The following MRTFA variants were observed in gnomAD, a reference collection of about 807,000 sequenced individuals.
The protein encoded by MRTFA is myocardin-related transcription factor A.
Under a neutral mutation model 83.5 loss-of-function variants are expected in MRTFA, and 20 were observed. The ratio of observed to expected loss-of-function variants is 0.24; its 90% CI spans 0.17 to 0.35. The LOEUF is 0.35. Ranked by LOEUF, MRTFA falls within the 10% of genes least tolerant of loss-of-function variation. The pLI, the probability that MRTFA is intolerant of heterozygous loss-of-function variation, is 1.00. For missense variants in MRTFA, 1,200 were observed against 1,224.7 expected (o/e 0.98, Z 0.30); for synonymous variants, 659 against 541.2 (o/e 1.22, Z -3.02).
At chr22:40,466,464 T>C (rs1300474810) in intron 3 of MRTFA, among the ~76,000 whole-genome samples, 1 of 152,154 alleles carries the variant, frequency 6.6e-6, no homozygotes, top group Non-Finnish European at 1.5e-5. Context: ...TCTGTGACTC[T>C]AAAGTGGAGG....
rs117891206 is a variant in MRTFA, at chr22:40,442,403, T to C, written c.308-6849A>G. On this transcript the variant is annotated intron_variant, in intron 4 of 14. Coordinates refer to ENST00000355630, the MANE Select transcript of MRTFA (RefSeq NM_020831.6). Reference sequence around the variant, plus strand: ...TTCAGGCAAGCCTGCTGGGTTTCTTTTTCCAGTGTGGAAGCAGGGAGCATA... The same window carrying C: ...TTCAGGCAAGCCTGCTGGGTTTCTTCTTCCAGTGTGGAAGCAGGGAGCATA... 1.4e-3 allele frequency among the ~76,000 whole-genome samples: 219 copies of C among 152,332 alleles called. 2 individuals carry two copies. The highest frequency in any genetic ancestry group is 3.4e-3 in the Middle Eastern group (1 of 292).
chr22:40,502,775 G>C (rs972527656), intron 3 of MRTFA, among the ~76,000 whole-genome samples: 3 of 152,054 alleles, frequency 2.0e-5, no homozygotes, highest in South Asian at 2.1e-4. Flanking sequence ...GGCGCTCGCC[G>C]GCGCGGCGGC....
chr22:40,501,771 C>T (rs2054480966), intron 3 of MRTFA, among the ~76,000 whole-genome samples: 1 of 59,430 alleles, frequency 1.7e-5, no homozygotes, highest in Non-Finnish European at 3.3e-5. Context: ...AGGCGCCCCT[C>T]ACCTCCCAGA....
In MRTFA at chr22:40,455,874, C is replaced by G. The variant is rs2053578608; in HGVS notation, c.307+7347G>C. On this transcript the variant is annotated intron_variant, in intron 4 of 14. Coordinates refer to ENST00000355630, the MANE Select transcript of MRTFA (RefSeq NM_020831.6). ...TATGAGATGAAGTCTCACTCTGTCG[C>G]CCAGACTGGAGTGCAGTGGTGCAAC... Among the ~76,000 whole-genome samples the G allele has an allele frequency of 2.7e-5, 4 of 150,880 alleles. No individual in the cohort carries two copies. In the South Asian group the frequency reaches 8.4e-4, roughly 32 times the overall value.
At chr22:40,619,261 AAAACT>A (rs955409189) in intron 1 of MRTFA, among the ~76,000 whole-genome samples, 8 of 151,742 alleles carry the variant, frequency 5.3e-5, no homozygotes, top group African/African-American at 1.5e-4. Flanking sequence ...ACAGGAAGTG[AAAACT>A]AAAGTAGAGA....
chr22:40,429,503 A>T, intron 7 of MRTFA, 103 bp downstream of exon 7: 1 of 1,358,536 alleles, frequency 7.4e-7, no homozygotes, highest in Non-Finnish European at 1.0e-6. Context: ...GAAGTCAAAG[A>T]TTAAGAAGTC....
intron 4 of MRTFA, among the ~76,000 whole-genome samples, chr22:40,439,701 T>C (rs2053238963): frequency 1.3e-5 from 2 of 152,070 alleles, no homozygotes. Context: ...TTCAGAGACC[T>C]GTCTGAGGGG....
intron 2 of MRTFA, among the ~76,000 whole-genome samples, chr22:40,567,016 T>C (rs1301695832): frequency 1.3e-5 from 2 of 152,160 alleles, no homozygotes; most frequent in African/African-American, 4.8e-5. Flanking sequence ...TCACTGAGTT[T>C]GGTGATGTGA....
At chr22:40,609,667 C>T (rs1298099494) in intron 1 of MRTFA, among the ~76,000 whole-genome samples, 1 of 151,610 alleles carries the variant, frequency 6.6e-6, no homozygotes, top group Non-Finnish European at 1.5e-5. Context: ...CCTGTCTCTA[C>T]TAGAAATACA....
chr22:40,539,857 A>G (rs999639453), intron 3 of MRTFA, among the ~76,000 whole-genome samples: 4 of 151,160 alleles, frequency 2.6e-5, no homozygotes, highest in Non-Finnish European at 5.9e-5. Context: ...AATTTTATAA[A>G]TTCCTTAATA....
intron 3 of MRTFA, among the ~76,000 whole-genome samples, chr22:40,531,492 T>C (rs1264062508): frequency 6.6e-6 from 1 of 152,094 alleles, no homozygotes; most frequent in African/African-American, 2.4e-5. Flanking sequence ...CCCTGGAACT[T>C]TGCTATCATA....
chr22:40,492,956 A>G (rs2054294363), intron 3 of MRTFA, among the ~76,000 whole-genome samples: 1 of 152,258 alleles, frequency 6.6e-6, no homozygotes, highest in South Asian at 2.1e-4. Flanking sequence ...TTCCTTTAGA[A>G]AGACAATATA....
intron 3 of MRTFA, among the ~76,000 whole-genome samples, chr22:40,521,309 T>C (rs1427663902): frequency 2.0e-5 from 3 of 152,202 alleles, no homozygotes; most frequent in African/African-American, 7.2e-5. Flanking sequence ...CAATCTGTGC[T>C]TCATATCTAT....
At chr22:40,420,358 G>A in intron 11 of MRTFA, 47 bp downstream of exon 11, 1 of 1,587,258 alleles carries the variant, frequency 6.3e-7, no homozygotes, top group Non-Finnish European at 8.6e-7. Flanking sequence ...AGCCCCTGTG[G>A]GAAGGGCCAG....
At chr22:40,440,293 T>C (rs944129350) in intron 4 of MRTFA, among the ~76,000 whole-genome samples, 1 of 152,206 alleles carries the variant, frequency 6.6e-6, no homozygotes, top group Non-Finnish European at 1.5e-5. Context: ...TCATGTGTGA[T>C]GAAACTGACA....
chr22:40,631,954 C>T (rs141142454), intron 1 of MRTFA, among the ~76,000 whole-genome samples: 1 of 152,324 alleles, frequency 6.6e-6, no homozygotes, highest in East Asian at 1.9e-4. Flanking sequence ...AGATGGCCCC[C>T]AATGACCCTC....
intron 3 of MRTFA, among the ~76,000 whole-genome samples, chr22:40,480,953 G>A (rs1475649302): frequency 2.6e-5 from 4 of 151,654 alleles, no homozygotes; most frequent in South Asian, 2.1e-4. Context: ...GGAGACCCCC[G>A]TTTCTACAAA....
At chr22:40,621,818 G>T (rs541189578) in intron 1 of MRTFA, among the ~76,000 whole-genome samples, 1 of 152,282 alleles carries the variant, frequency 6.6e-6, no homozygotes, top group East Asian at 1.9e-4. Context: ...AAATTACTTA[G>T]TACCAGTAAC....
chr22:40,598,863 C>G (rs549073727), intron 1 of MRTFA, among the ~76,000 whole-genome samples: 1 of 151,378 alleles, frequency 6.6e-6, no homozygotes, highest in Non-Finnish European at 1.5e-5. Flanking sequence ...TGGCAGTGCA[C>G]GCCTATAATC....
Sources: allele counts gnomAD v4.1 joint callset (sites outside exome capture counted in the v4.1 genomes callset), GRCh38; gene constraint gnomAD v4.1.1; transcripts MANE v1.5; gene names NCBI Gene and HGNC (gene_info 2026-07-23, HGNC 2026-07-21).